The following CASK variants were observed in gnomAD, a reference collection of about 807,000 sequenced individuals.
The protein encoded by CASK is calcium/calmodulin dependent serine protein kinase, also known as peripheral plasma membrane protein CASK.
CASK carries 4 observed loss-of-function variants against 82.9 expected under a neutral mutation model. The ratio of observed to expected loss-of-function variants is 0.05; its 90% CI spans 0.02 to 0.11. The LOEUF (loss-of-function observed/expected upper bound fraction) is 0.11. Ranked by LOEUF, CASK falls within the 10% of genes least tolerant of loss-of-function variation. CASK has a pLI of 1.00. For synonymous variants in CASK, 259 were observed against 253.5 expected (o/e 1.02, Z -0.20); for missense variants, 358 against 720.9 (o/e 0.50, Z 5.76).
chrX:41,596,316 G>C (rs1368598715), intron 12 of CASK, among the ~76,000 whole-genome samples: 1 of 112,120 alleles, frequency 8.9e-6, no homozygotes, highest in Non-Finnish European at 1.9e-5. Flanking sequence ...TGTTGTATGA[G>C]GGCGGCTGTT....
At chrX:41,854,203 TGCGCGCGCGCGCGGGC>T (rs1235115008) in intron 1 of CASK, among the ~76,000 whole-genome samples, 1 of 77,642 alleles carries the variant, frequency 1.3e-5, no homozygotes, top group African/African-American at 4.7e-5. Flanking sequence ...CCAGGGAACA[TGCGCGCGCGCGCGGGC>T]GCGCGCACAC....
intron 22 of CASK, among the ~76,000 whole-genome samples, chrX:41,538,350 CG>C (rs1433754136): frequency 9.0e-6 from 1 of 111,605 alleles, no homozygotes; most frequent in Non-Finnish European, 1.9e-5. Flanking sequence ...TAGAGTATTT[CG>C]GGGCTCTAAC....
chrX:41,857,878 G>T (rs909350495), intron 1 of CASK, among the ~76,000 whole-genome samples: 1 of 111,770 alleles, frequency 8.9e-6, no homozygotes, highest in African/African-American at 3.3e-5. Context: ...GAGGAAGGAT[G>T]ACACAATTCA....
At chrX:41,536,834 A>G (rs2064880470) in intron 22 of CASK, among the ~76,000 whole-genome samples, 1 of 111,869 alleles carries the variant, frequency 8.9e-6, no homozygotes. Flanking sequence ...GTTATACTGC[A>G]GTAGTAATGG....
intron 14 of CASK, among the ~76,000 whole-genome samples, chrX:41,581,075 A>G (rs1424073663): frequency 8.9e-6 from 1 of 112,028 alleles, no homozygotes; most frequent in Non-Finnish European, 1.9e-5. Flanking sequence ...TTTTATGATG[A>G]CCTCTAAAGA....
Position 41,914,578 on chromosome X carries a change from T to C in CASK, c.59+8352A>G, listed in dbSNP as rs139916116. ...ATTCATCCAACGTGGACAAAAATCC[T>C]TGAGGCTAGAAAGAATTCAGTTTCC... On this transcript the variant is annotated intron_variant, in intron 1 of 26. Coordinates refer to ENST00000378163, the MANE Select transcript of CASK (RefSeq NM_001367721.1). 3.5e-3 allele frequency among the ~76,000 whole-genome samples: 397 copies of C among 112,440 alleles called. 2 individuals are homozygous for C. Among genetic ancestry groups the C allele is most frequent in the African/African-American group, 0.012 (385 of 30,964 alleles).
intron 2 of CASK, among the ~76,000 whole-genome samples, chrX:41,829,723 A>C (rs1197743252): frequency 3.9e-5 from 1 of 25,584 alleles, no homozygotes; most frequent in Non-Finnish European, 6.3e-5. Flanking sequence ...ATATATATAT[A>C]TATATATATA....
intron 1 of CASK, among the ~76,000 whole-genome samples, chrX:41,915,426 A>G (rs1468358103): frequency 1.8e-5 from 2 of 112,744 alleles, no homozygotes; most frequent in Non-Finnish European, 3.7e-5. Flanking sequence ...ATATTTCAGC[A>G]TAGTATACAA....
chrX:41,711,843 T>TGG, intron 5 of CASK, among the ~76,000 whole-genome samples: 1 of 111,453 alleles, frequency 9.0e-6, no homozygotes, highest in East Asian at 2.8e-4. Context: ...ACTGCAGGGG[T>TGG]GGGGGGGCCA....
intron 3 of CASK, among the ~76,000 whole-genome samples, chrX:41,776,183 G>C (rs758610139): frequency 5.3e-5 from 6 of 112,184 alleles, no homozygotes; most frequent in Non-Finnish European, 1.1e-4. Context: ...TGCTAGCACA[G>C]GCTTGTTTAT....
At chrX:41,795,548 C>A (rs1002151188) in intron 2 of CASK, among the ~76,000 whole-genome samples, 3 of 110,801 alleles carry the variant, frequency 2.7e-5, no homozygotes, top group Non-Finnish European at 5.7e-5. Context: ...TGCCTGTAGT[C>A]CCAGCTACTC....
intron 3 of CASK, among the ~76,000 whole-genome samples, chrX:41,758,525 T>C (rs1230142605): frequency 1.9e-5 from 2 of 107,130 alleles, no homozygotes; most frequent in African/African-American, 3.4e-5. Context: ...GGTGAGAGCA[T>C]GGGGGAGTGG....
At chrX:41,561,750 G>C in intron 16 of CASK, 106 bp from the exon 17 acceptor site, 7 of 592,857 alleles carry the variant, frequency 1.2e-5, no homozygotes, top group Non-Finnish European at 1.9e-5. Flanking sequence ...AATATTGAGG[G>C]CCAATATTTC....
chrX:41,807,179 C>T (rs2070141559), intron 2 of CASK, among the ~76,000 whole-genome samples: 2 of 110,600 alleles, frequency 1.8e-5, no homozygotes, highest in Admixed American at 9.7e-5. Flanking sequence ...ACCACTTTTC[C>T]AGTAATGTAA....
chrX:41,820,788 A>G (rs970419590), intron 2 of CASK, among the ~76,000 whole-genome samples: 1 of 111,395 alleles, frequency 9.0e-6, no homozygotes, highest in Non-Finnish European at 1.9e-5. Context: ...AAGGATAGAC[A>G]TACAGATCAG....
intron 21 of CASK, 85 bp downstream of exon 21, chrX:41,553,634 C>T: frequency 1.4e-6 from 1 of 733,981 alleles, no homozygotes. Context: ...AGGTTTTACA[C>T]TCTAAAATAA....
chrX:41,889,854 C>T (rs995213466), intron 1 of CASK, among the ~76,000 whole-genome samples: 11 of 111,427 alleles, frequency 9.9e-5, no homozygotes, highest in Admixed American at 2.9e-4. Flanking sequence ...GAGAAGTTGA[C>T]TTATTCAAAA....
intron 5 of CASK, among the ~76,000 whole-genome samples, chrX:41,718,189 C>T (rs984716649): frequency 3.5e-5 from 4 of 113,364 alleles, no homozygotes; most frequent in Admixed American, 9.2e-5. Flanking sequence ...GAGGGTGACA[C>T]GCCCAGGAGG....
At chrX:41,640,163 T>C (rs752370201) in intron 8 of CASK, among the ~76,000 whole-genome samples, 1 of 111,525 alleles carries the variant, frequency 9.0e-6, no homozygotes, top group Non-Finnish European at 1.9e-5. Context: ...CCAAAGTGGT[T>C]ATACCATTTT....
Sources: allele counts gnomAD v4.1 joint callset (sites outside exome capture counted in the v4.1 genomes callset), GRCh38; gene constraint gnomAD v4.1.1; transcripts MANE v1.5; gene names NCBI Gene and HGNC (gene_info 2026-07-23, HGNC 2026-07-21).